HHIPL1: variants seen among roughly 807,000 people sequenced by gnomAD.
HHIPL1 encodes the protein HHIP like 1, also known as HHIP-like protein 1.
A neutral mutation model predicts 61.8 loss-of-function variants in HHIPL1; 43 were observed. That is an observed-to-expected ratio of 0.70 (90% CI 0.55 to 0.90). HHIPL1 has a LOEUF of 0.90. Among genes scored for constraint, HHIPL1 ranks in the 40% least tolerant of loss-of-function variants. The pLI, the probability that HHIPL1 is intolerant of heterozygous loss-of-function variation, is 0.00. For synonymous variants in HHIPL1, 482 were observed against 515.8 expected (o/e 0.93, Z 0.89); for missense variants, 1,056 against 1,157.7 (o/e 0.91, Z 1.28).
At chr14:99,667,125 C>G (rs1247498665) in intron 6 of HHIPL1, among the ~76,000 whole-genome samples, 1 of 151,654 alleles carries the variant, frequency 6.6e-6, no homozygotes, top group Non-Finnish European at 1.5e-5. Context: ...TCTCTGCTAT[C>G]CTTTTACAAG....
In HHIPL1 at chr14:99,656,836, AAAGG is replaced by A. The variant is rs1161567456; in HGVS notation, c.903-107_903-104del. 4.9e-3 allele frequency among the ~76,000 whole-genome samples: 35 copies of A among 7,084 alleles called. 3 individuals carry two copies. Among genetic ancestry groups the A allele is most frequent in the African/African-American group, 8.0e-3 (34 of 4,232 alleles). The allele number at this position is 7,084 out of a possible 152,430, so 4.6% of individuals were successfully genotyped here. On this transcript the variant is annotated intron_variant, in intron 2 of 8. Transcript: ENST00000330710. ...GAAAGAAAGAAAGAAAGAAAGAAAGAAAGGAAGGAAGGAAGGAAGGAAGGAAGGA... is the reference window on the plus strand; with the variant it reads ...GAAAGAAAGAAAGAAAGAAAGAAAGAAAGGAAGGAAGGAAGGAAGGAAGGA...
At chr14:99,606,104 C>T in the HHIPL1 span, among the ~76,000 whole-genome samples, 1 of 152,238 alleles carries the variant, frequency 6.6e-6, no homozygotes, top group African/African-American at 2.4e-5. Flanking sequence ...ATCTCCCACC[C>T]GTTCGCCACT....
chr14:99,650,528 A>T (rs1259879459), intron 1 of HHIPL1, among the ~76,000 whole-genome samples: 1 of 152,164 alleles, frequency 6.6e-6, no homozygotes, highest in African/African-American at 2.4e-5. Context: ...TGGTGTGGGG[A>T]CACTTAACTG....
At chr14:99,615,959 G>A in the HHIPL1 span, among the ~76,000 whole-genome samples, 3,077 of 152,262 alleles carry the variant, frequency 0.02, 92 homozygotes, top group African/African-American at 0.071. Context: ...AAACAAGGAG[G>A]CAATTATTAA....
chr14:99,659,853 C>CCT, intron 4 of HHIPL1, 97 bp downstream of exon 4: 1 of 566,518 alleles, frequency 1.8e-6, no homozygotes, highest in Non-Finnish European at 2.6e-6. Flanking sequence ...CGCACCCCCC[C>CCT]CCCCCCGGAG....
At chr14:99,629,789 C>T in the HHIPL1 span, among the ~76,000 whole-genome samples, 2 of 152,222 alleles carry the variant, frequency 1.3e-5, no homozygotes, top group African/African-American at 4.8e-5. Context: ...AGGCGTAAGC[C>T]ACCGCGCCCA....
chr14:99,662,239 G>A (rs763923772), intron 5 of HHIPL1, among the ~76,000 whole-genome samples: 12 of 152,252 alleles, frequency 7.9e-5, no homozygotes, highest in Admixed American at 4.6e-4. Flanking sequence ...GCACAGTGTC[G>A]GGGAGCCCAG....
rs1336612639 is a variant in HHIPL1 at position 99,675,926 on chromosome 14, G to A, written c.*300G>A. The stretch of plus-strand genomic sequence containing the variant: ...AGCAGGAACAGCAGCCGGGCTGTGG[G>A]ACCCTGAGGAGGGAGGGCAGCCAGG... On this transcript the variant is annotated 3_prime_UTR_variant, in exon 9 of 9. Transcript: ENST00000330710. The surrounding 1 kb of genome is among the most constrained non-coding windows in gnomAD (Gnocchi z 5.4). 2.8e-6 allele frequency: 1 copy of A among 353,528 alleles called. No homozygotes were observed. Among genetic ancestry groups the A allele is most frequent in the Non-Finnish European group, 5.1e-6 (1 of 196,108 alleles). The allele number at this position is 353,528 out of a possible 1,614,324, so 21.9% of individuals were successfully genotyped here.
At chr14:99,640,854 G>GAAGAA (rs1444522049), upstream of HHIPL1, among the ~76,000 whole-genome samples, 6 of 138,576 alleles carry the variant, frequency 4.3e-5, no homozygotes, top group Non-Finnish European at 9.3e-5. Context: ...CTTTCTCCCT[G>GAAGAA]AAGAACTTCT....
intron 7 of HHIPL1, among the ~76,000 whole-genome samples, chr14:99,671,996 G>T (rs200174084): frequency 6.6e-6 from 1 of 152,318 alleles, no homozygotes; most frequent in East Asian, 1.9e-4. Flanking sequence ...AGAGAGACTG[G>T]CATTTGTTCA....
At chr14:99,657,870 TAC>T (rs1198883988) in intron 3 of HHIPL1, among the ~76,000 whole-genome samples, 42 of 150,994 alleles carry the variant, frequency 2.8e-4, no homozygotes, top group African/African-American at 7.6e-4. Context: ...CACACACATA[TAC>T]ACACACATCC....
Position 99,649,761 on chromosome 14 carries a change from A to G in HHIPL1, c.256-2463A>G, listed in dbSNP as rs140155823. ...CAGTGAGCTAGGATTGTGCCACTGC[A>G]CTCTAGCCTGGATGACAGAGAGAGT... On this transcript the variant is annotated intron_variant, in intron 1 of 8. Coordinates refer to ENST00000330710, the MANE Select transcript of HHIPL1 (RefSeq NM_001127258.3). Among the ~76,000 whole-genome samples the G allele has an allele frequency of 2.9e-3, 446 of 152,344 alleles. 1 individual carries two copies. Among genetic ancestry groups the G allele is most frequent in the African/African-American group, 0.01 (420 of 41,588 alleles).
chr14:99,654,736 A>T (rs1446813798), intron 2 of HHIPL1, among the ~76,000 whole-genome samples: 5 of 152,236 alleles, frequency 3.3e-5, no homozygotes, highest in Non-Finnish European at 7.3e-5. Flanking sequence ...TCACAGCATT[A>T]GTTTTGACTA....
Position 99,662,783 on chromosome 14 carries a change from A to C in HHIPL1, c.1503-93A>C, listed in dbSNP as rs924966785. On this transcript the variant is annotated intron_variant, in intron 5 of 8. Transcript: ENST00000330710. ...GAGGGAAGAAGGGAGGGAGGAATGGATACATGGATGGATGGATGGATGGAT... is the reference window on the plus strand; with the variant it reads ...GAGGGAAGAAGGGAGGGAGGAATGGCTACATGGATGGATGGATGGATGGAT... 81 of 1,196,180 alleles carry C rather than the reference A, an allele frequency of 6.8e-5. No individual in the cohort carries two copies. The Middle Eastern group carries it at 1.2e-3, about 17-fold the overall frequency. 74.1% of individuals were successfully genotyped at this position (1,196,180 alleles called of 1,614,324 possible).
the HHIPL1 span, among the ~76,000 whole-genome samples, chr14:99,605,355 C>A: frequency 6.9e-6 from 1 of 144,208 alleles, no homozygotes; most frequent in African/African-American, 2.5e-5. Context: ...ATTTACGGCG[C>A]GTCTACCGCC....
the HHIPL1 span, among the ~76,000 whole-genome samples, chr14:99,639,279 T>C: frequency 6.6e-6 from 1 of 152,264 alleles, no homozygotes; most frequent in Non-Finnish European, 1.5e-5. Context: ...TTTTCAACTA[T>C]CAGTCTTTAC....
chr14:99,621,121 C>T, the HHIPL1 span, among the ~76,000 whole-genome samples: 1 of 152,000 alleles, frequency 6.6e-6, no homozygotes, highest in Non-Finnish European at 1.5e-5. Context: ...TTTTTTGAAA[C>T]AGGGTCTTTT....
Position 99,660,263 on chromosome 14 carries a change from TC to T in HHIPL1, c.1376-14del. The T allele has an allele frequency of 6.2e-7, 1 of 1,612,996 alleles. No homozygotes were observed. The highest frequency in any genetic ancestry group is 8.5e-7 in the Non-Finnish European group (1 of 1,179,488). ...CGCCGCTGGCTCACCGAAGCTTCTC[TC>T]CCTCCCACCCCGCAGATGACTTGCT... On this transcript the variant is annotated splice_polypyrimidine_tract_variant and intron_variant, in intron 4 of 8. Coordinates refer to ENST00000330710, the MANE Select transcript of HHIPL1 (RefSeq NM_001127258.3). This position sits in a 1 kb window ranked among gnomAD's most constrained non-coding sequence, Gnocchi z 4.9.
At chr14:99,655,863 G>A (rs938801230) in intron 2 of HHIPL1, among the ~76,000 whole-genome samples, 5 of 152,186 alleles carry the variant, frequency 3.3e-5, no homozygotes, top group African/African-American at 1.2e-4. Context: ...GGACTTTGCT[G>A]CTCTTAGTAC....
Sources: allele counts gnomAD v4.1 joint callset (sites outside exome capture counted in the v4.1 genomes callset), GRCh38; gene constraint gnomAD v4.1.1; non-coding constraint Gnocchi (gnomAD v3.1); transcripts MANE v1.5; gene names NCBI Gene and HGNC (gene_info 2026-07-23, HGNC 2026-07-21).